SULT2A1: variants seen among roughly 807,000 people sequenced by gnomAD.
SULT2A1 encodes sulfotransferase family 2A member 1.
In SULT2A1, 43 loss-of-function variants were observed where a neutral mutation model predicts 33.9. The ratio of observed to expected loss-of-function variants is 1.27; its 90% CI spans 1.00 to 1.64. The LOEUF (loss-of-function observed/expected upper bound fraction) is 1.64. SULT2A1 is among the 40% of genes most tolerant of loss of function. The probability of loss-of-function intolerance (pLI) is 0.00; values close to 1 mark genes in which losing one functional copy is unlikely to be tolerated. For missense variants in SULT2A1, 300 were observed against 335.1 expected (o/e 0.90, Z 0.82); for synonymous variants, 125 against 113.6 (o/e 1.10, Z -0.64).
chr19:47,882,291 G>A, intron 2 of SULT2A1, 81 bp from the exon 3 acceptor site: 1 of 1,510,316 alleles, frequency 6.6e-7, no homozygotes, highest in Non-Finnish European at 8.9e-7. Flanking sequence ...TGGAGAAAAA[G>A]CCAATTCCTG....
chr19:47,877,078 TA>T (rs10676904), intron 4 of SULT2A1, among the ~76,000 whole-genome samples: 32,850 of 123,068 alleles, frequency 0.27, 3,921 homozygotes, highest in South Asian at 0.29. Flanking sequence ...CTCCACCTCA[TA>T]AAAAAAAAAA....
intron 1 of SULT2A1, among the ~76,000 whole-genome samples, chr19:47,885,216 T>C (rs1968644606): frequency 6.6e-6 from 1 of 152,166 alleles, no homozygotes; most frequent in South Asian, 2.1e-4. Flanking sequence ...AAACCGAAAC[T>C]CTATGCAGAG....
intron 4 of SULT2A1, among the ~76,000 whole-genome samples, chr19:47,877,361 C>G (rs1968556602): frequency 2.0e-5 from 3 of 149,982 alleles, no homozygotes; most frequent in Non-Finnish European, 4.4e-5. Flanking sequence ...GTAGCTGGGT[C>G]CTGAGTAGCT....
At position 47,874,449 on chromosome 19, in the gene SULT2A1, A is replaced by G. The variant is rs62531059; in HGVS notation, c.745+208T>C. Among the ~76,000 whole-genome samples the G allele has an allele frequency of 2.7e-3, 411 of 151,432 alleles. 2 individuals are homozygous for G. The highest frequency in any genetic ancestry group is 9.3e-3 in the African/African-American group (383 of 41,244). On this transcript the variant is annotated intron_variant, in intron 5 of 5. Transcript: ENST00000222002. Reference sequence around the variant, plus strand: ...CAGCTACTCGGGAGGCTGAGGCAGAAGAATCACTTGAATCCTGGAGGCGGA... The same window carrying G: ...CAGCTACTCGGGAGGCTGAGGCAGAGGAATCACTTGAATCCTGGAGGCGGA...
In SULT2A1 at chr19:47,874,756, T is replaced by C. The variant is rs763112217; in HGVS notation, c.646A>G (p.Lys216Glu). The C allele has an allele frequency of 1.2e-6, 2 of 1,609,542 alleles. No individual in the cohort carries two copies. The highest frequency in any genetic ancestry group is 3.3e-5 in the Admixed American group (2 of 59,988). ...LEPEELNLIL[K>E]NSSFQSMKEN... ...TTCATGCTCTGAAAGGAGCTGTTCT[T>C]GAGAATTAAGTTCAGTTCTTCGGGT... Residue 216 changes from lysine to glutamate, a missense_variant, in exon 5 of 6, where the codon AAG becomes GAG. Transcript: ENST00000222002.
chr19:47,873,738 T>C (rs212100), intron 5 of SULT2A1, among the ~76,000 whole-genome samples: 133,893 of 150,474 alleles, frequency 0.89, 59,883 homozygotes, highest in East Asian at 1. Context: ...ATTCTCCTGC[T>C]TCAGCCTCCC....
chr19:47,880,257 A>AAAC (rs1968590812), intron 3 of SULT2A1, among the ~76,000 whole-genome samples: 1 of 149,920 alleles, frequency 6.7e-6, no homozygotes, highest in East Asian at 1.9e-4. Context: ...AAAAAAAAAA[A>AAAC]ACCTGAAGCT....
intron 1 of SULT2A1, among the ~76,000 whole-genome samples, chr19:47,885,444 A>G (rs947470873): frequency 6.6e-6 from 1 of 152,220 alleles, no homozygotes; most frequent in Non-Finnish European, 1.5e-5. Flanking sequence ...AGGATGAATA[A>G]CATTCCATTA....
rs35795715 is a variant in SULT2A1, at chr19:47,877,840, G to C, written c.567+1196C>G. Among the ~76,000 whole-genome samples the C allele has an allele frequency of 4.1e-3, 620 of 152,326 alleles. 2 individuals are homozygous for C. Among genetic ancestry groups the C allele is most frequent in the Middle Eastern group, 0.017 (5 of 294 alleles). On this transcript the variant is annotated intron_variant, in intron 4 of 5. Coordinates refer to ENST00000222002, the MANE Select transcript of SULT2A1 (RefSeq NM_003167.4). ...GCTGGGATTACAGGCGTGAGCCACT[G>C]AGCTTGGCCTCAAGTTGTTCTTTCA...
At position 47,871,531 on chromosome 19, in the gene SULT2A1, G is replaced by A. The variant is rs1968492566; in HGVS notation, c.782C>T (p.Ala261Val). Residue 261 changes from alanine (A) to valine (V), a missense_variant, in exon 6 of 6, where the codon GCC (alanine) becomes GTC (valine). Coordinates refer to ENST00000222002, the MANE Select transcript of SULT2A1 (RefSeq NM_003167.4). ...SGDWKNHFTV[A>V]QAEDFDKLFQ... ...CAATTTATCAAAGTCTTCAGCTTGG[G>A]CCACTGTGAAGTGATTTTTCCAGTC... The A allele has an allele frequency of 6.2e-7, 1 of 1,613,872 alleles. No individual in the cohort carries two copies. Among genetic ancestry groups the A allele is most frequent in the Non-Finnish European group, 8.5e-7 (1 of 1,180,012 alleles).
At chr19:47,875,720 G>A (rs778636225) in intron 4 of SULT2A1, among the ~76,000 whole-genome samples, 13 of 152,132 alleles carry the variant, frequency 8.5e-5, no homozygotes, top group Non-Finnish European at 1.6e-4. Flanking sequence ...GGATTTTCCC[G>A]TATGGTAGAG....
intron 3 of SULT2A1, among the ~76,000 whole-genome samples, chr19:47,881,739 A>G (rs1292561788): frequency 1.3e-5 from 2 of 152,150 alleles, no homozygotes; most frequent in African/African-American, 4.8e-5. Flanking sequence ...GGCATCAGAA[A>G]AAAATGGCGG....
Position 47,879,135 on chromosome 19 carries a change from A to C in SULT2A1, c.473-5T>G, listed in dbSNP as rs201401824. ...CAAACCATGACCCATATAGCACTGC[A>C]TGGGGTGGCAGAAAAAGTGATAGGT... On this transcript the variant is annotated splice_polypyrimidine_tract_variant and splice_region_variant and intron_variant, in intron 3 of 5. Coordinates refer to ENST00000222002, the MANE Select transcript of SULT2A1 (RefSeq NM_003167.4). The C allele has an allele frequency of 3.1e-6, 5 of 1,593,900 alleles. No homozygotes were observed. The African/African-American group carries it at 5.4e-5, about 17-fold the overall frequency.
intron 1 of SULT2A1, among the ~76,000 whole-genome samples, chr19:47,885,804 T>A (rs1422904893): frequency 6.6e-6 from 1 of 152,152 alleles, no homozygotes; most frequent in Non-Finnish European, 1.5e-5. Flanking sequence ...TCCATTTAAA[T>A]GCTATTTCTT....
intron 3 of SULT2A1, among the ~76,000 whole-genome samples, chr19:47,879,657 T>C (rs567839736): frequency 1.3e-5 from 2 of 151,934 alleles, no homozygotes; most frequent in East Asian, 3.9e-4. Context: ...GAAACCATCA[T>C]TCTGAGCAAA....
At chr19:47,882,061 C>T (rs546952149) in intron 3 of SULT2A1, 23 bp downstream of exon 3, 29 of 1,612,392 alleles carry the variant, frequency 1.8e-5, no homozygotes, top group Admixed American at 1.5e-4. Context: ...TCCAAGCACC[C>T]CCATATTTTG....
intron 5 of SULT2A1, among the ~76,000 whole-genome samples, chr19:47,872,910 C>A (rs373569036): frequency 1.3e-5 from 2 of 151,812 alleles, no homozygotes; most frequent in Non-Finnish European, 2.9e-5. Context: ...TACAGGTGGG[C>A]GCCACCACAC....
rs572927771 is a variant in SULT2A1 at position 47,881,198 on chromosome 19, G to A, written c.472+886C>T. ...TTACAGGCACCCACCACCACGGCCA[G>A]CTAATTTTTCTGTATTTTTAGTAGA... is the stretch of plus-strand genomic sequence containing the variant. On this transcript the variant is annotated intron_variant, in intron 3 of 5. Coordinates refer to ENST00000222002, the MANE Select transcript of SULT2A1 (RefSeq NM_003167.4). Among the ~76,000 whole-genome samples, 4 of 151,870 alleles carry A rather than the reference G, an allele frequency of 2.6e-5. No homozygotes were observed. In the South Asian group the frequency reaches 8.3e-4, roughly 32 times the overall value.
At chr19:47,879,789 G>C in intron 3 of SULT2A1, among the ~76,000 whole-genome samples, 1 of 118,002 alleles carries the variant, frequency 8.5e-6, no homozygotes, top group Non-Finnish European at 1.7e-5. Context: ...TGGGGCGGGG[G>C]GAGGGGGAGG....
Sources: allele counts gnomAD v4.1 joint callset (sites outside exome capture counted in the v4.1 genomes callset), GRCh38; gene constraint gnomAD v4.1.1; transcripts MANE v1.5; gene names NCBI Gene and HGNC (gene_info 2026-07-23, HGNC 2026-07-21).